The following CDK7 variants were observed in gnomAD, a reference collection of about 807,000 sequenced individuals.
CDK7 encodes the protein cyclin-dependent kinase 7.
In CDK7, 25 loss-of-function variants were observed where a neutral mutation model predicts 49.1. The ratio of observed to expected loss-of-function variants is 0.51; its 90% CI spans 0.37 to 0.71. The LOEUF (loss-of-function observed/expected upper bound fraction) is 0.71, where lower values mean the gene tolerates loss of function less well. Among genes scored for constraint, CDK7 ranks in the 30% least tolerant of loss-of-function variants. The pLI is 0.00. For missense variants in CDK7, 316 were observed against 411.7 expected (o/e 0.77, Z 2.01); for synonymous variants, 107 against 140.0 (o/e 0.76, Z 1.67).
At chr5:69,271,567 A>G (rs374776523) in intron 9 of CDK7, among the ~76,000 whole-genome samples, 2 of 147,814 alleles carry the variant, frequency 1.4e-5, no homozygotes, top group South Asian at 4.2e-4. Context: ...GCTGCAGTGC[A>G]ATGGTGTGAT....
At chr5:69,238,103 A>C (rs896042614) in intron 2 of CDK7, among the ~76,000 whole-genome samples, 12 of 152,166 alleles carry the variant, frequency 7.9e-5, no homozygotes, top group Admixed American at 3.3e-4. Context: ...TCACCTGTTG[A>C]GTCTTGGACT....
chr5:69,254,795 C>A, intron 4 of CDK7, 126 bp downstream of exon 4: 2 of 609,824 alleles, frequency 3.3e-6, no homozygotes, highest in Non-Finnish European at 6.0e-6. Flanking sequence ...AAAGGAAATA[C>A]ATTTTCTATC....
intron 10 of CDK7, among the ~76,000 whole-genome samples, chr5:69,273,503 A>G (rs1353881117): frequency 1.3e-5 from 2 of 152,160 alleles, no homozygotes; most frequent in Non-Finnish European, 2.9e-5. Flanking sequence ...CATTGAGAAC[A>G]TGGTAATGGG....
At chr5:69,257,616 C>T (rs1265488872) in intron 5 of CDK7, among the ~76,000 whole-genome samples, 1 of 152,000 alleles carries the variant, frequency 6.6e-6, no homozygotes, top group Non-Finnish European at 1.5e-5. Flanking sequence ...GTCTTGTATC[C>T]CTGAACCAAT....
chr5:69,237,708 T>C (rs1749094295), intron 2 of CDK7, among the ~76,000 whole-genome samples: 1 of 152,150 alleles, frequency 6.6e-6, no homozygotes, highest in South Asian at 2.1e-4. Context: ...ACCAGCACTT[T>C]GGGAGCTCGA....
At chr5:69,237,705 C>T (rs1210374475) in intron 2 of CDK7, among the ~76,000 whole-genome samples, 1 of 152,140 alleles carries the variant, frequency 6.6e-6, no homozygotes, top group Non-Finnish European at 1.5e-5. Context: ...AATACCAGCA[C>T]TTTGGGAGCT....
intron 8 of CDK7, among the ~76,000 whole-genome samples, chr5:69,267,960 TTTTTTTG>T (rs1445623189): frequency 1.3e-5 from 2 of 152,070 alleles, no homozygotes; most frequent in Non-Finnish European, 2.9e-5. Flanking sequence ...ATCCTTTTAG[TTTTTTTG>T]TTTTTTGTTT....
chr5:69,250,329 A>T (rs924395967), intron 2 of CDK7, among the ~76,000 whole-genome samples: 36 of 152,194 alleles, frequency 2.4e-4, no homozygotes, highest in Non-Finnish European at 4.0e-4. Context: ...TAGTTCTTAT[A>T]GACTTATAGA....
At chr5:69,247,388 A>G (rs545809583) in intron 2 of CDK7, among the ~76,000 whole-genome samples, 1 of 152,202 alleles carries the variant, frequency 6.6e-6, no homozygotes, top group South Asian at 2.1e-4. Flanking sequence ...TTTATTTAAT[A>G]TAACTACTCC....
intron 2 of CDK7, among the ~76,000 whole-genome samples, chr5:69,251,710 T>C (rs950377447): frequency 6.6e-6 from 1 of 152,148 alleles, no homozygotes; most frequent in African/African-American, 2.4e-5. Context: ...TTTAAAAATG[T>C]TGAGTAGACA....
At chr5:69,253,515 C>T (rs1427751571) in intron 3 of CDK7, among the ~76,000 whole-genome samples, 2 of 152,146 alleles carry the variant, frequency 1.3e-5, no homozygotes, top group African/African-American at 4.8e-5. Context: ...ATCTGCCCAC[C>T]TAGGCCTCCC....
chr5:69,266,291 C>CA (rs1416783795), intron 8 of CDK7, among the ~76,000 whole-genome samples: 8 of 151,024 alleles, frequency 5.3e-5, no homozygotes, highest in African/African-American at 7.3e-5. Context: ...GACCTTGTCT[C>CA]AAAAAAAAAG....
At chr5:69,235,711 G>C (rs552914285) in intron 2 of CDK7, among the ~76,000 whole-genome samples, 1 of 152,326 alleles carries the variant, frequency 6.6e-6, no homozygotes, top group South Asian at 2.1e-4. Flanking sequence ...GGCAAGTACT[G>C]CCCATCTTTT....
At chr5:69,234,796 G>T, upstream of CDK7, 1 of 623,578 alleles carries the variant, frequency 1.6e-6, no homozygotes, top group East Asian at 2.8e-5. Flanking sequence ...GACGGGTGGG[G>T]AACGCCAACC....
At chr5:69,251,813 T>C (rs1750164481) in intron 2 of CDK7, among the ~76,000 whole-genome samples, 1 of 152,314 alleles carries the variant, frequency 6.6e-6, no homozygotes, top group East Asian at 1.9e-4. Flanking sequence ...AATTTACAAG[T>C]GTGAGCCACT....
intron 2 of CDK7, among the ~76,000 whole-genome samples, chr5:69,239,499 G>A (rs2150181916): frequency 6.6e-6 from 1 of 152,010 alleles, no homozygotes; most frequent in South Asian, 2.1e-4. Context: ...TCAAACTCCT[G>A]GCCTTAAGCA....
intron 2 of CDK7, among the ~76,000 whole-genome samples, chr5:69,238,685 C>G (rs1749171437): frequency 6.8e-6 from 1 of 147,476 alleles, no homozygotes; most frequent in Admixed American, 6.9e-5. Flanking sequence ...GAGACAAGGT[C>G]CCACTCTGTC....
Position 69,254,604 on chromosome 5 carries a change from A to G in CDK7, c.163A>G (p.Ile55Val), listed in dbSNP as rs1159958104. The G allele has an allele frequency of 1.3e-5, 19 of 1,424,818 alleles. No individual in the cohort carries two copies. Among genetic ancestry groups the G allele is most frequent in the Non-Finnish European group, 1.8e-5 (18 of 1,008,812 alleles). The allele number at this position is 1,424,818 out of a possible 1,614,324, so 88.3% of individuals were successfully genotyped here. The change falls in exon 4 of 12, where the codon ATA becomes GTA. Residue 55 changes from isoleucine (I) to valine (V), a missense_variant and splice_region_variant. By Grantham distance (29) the Ile-to-Val change is conservative (BLOSUM62 3). Coordinates refer to ENST00000256443, the MANE Select transcript of CDK7 (RefSeq NM_001799.4). Reference protein sequence around the residue: ...LGHRSEAKDGINRTALREIKL... With the variant: ...LGHRSEAKDGVNRTALREIKL... ...TTTTGCTTTGCCTTTTTATATAGGT[A>G]TAAATAGAACCGCCTTAAGAGAGAT...
At position 69,276,678 on chromosome 5, in the gene CDK7, G is replaced by A. The variant is rs1298731004; in HGVS notation, c.1000G>A (p.Ala334Thr). The change falls in exon 11 of 12, where the codon GCC becomes ACC. Residue 334 changes from alanine to threonine, a missense_variant. Transcript: ENST00000256443. ...ALAIKRKRTE[A>T]LEQGGLPKKL... ...GGCAATAAAAAGGAAAAGAACAGAG[G>A]CCTTAGAACAAGGTAAGATTCCCAC... is the stretch of plus-strand genomic sequence containing the variant. The A allele has an allele frequency of 2.5e-6, 4 of 1,613,352 alleles. No homozygotes were observed. Among genetic ancestry groups the A allele is most frequent in the Non-Finnish European group, 2.5e-6 (3 of 1,179,828 alleles).
Sources: gnomAD v4.1 joint callset for allele counts (sites outside exome capture counted in the v4.1 genomes callset) on GRCh38, gnomAD v4.1.1 for gene constraint, MANE v1.5 for transcripts, NCBI Gene and HGNC (gene_info 2026-07-23, HGNC 2026-07-21) for gene names.